The following LRRC15 variants were observed in gnomAD, a reference collection of about 807,000 sequenced individuals.
LRRC15 encodes leucine-rich repeat-containing protein 15.
Under a neutral mutation model 4.3 loss-of-function variants are expected in LRRC15, and 5 were observed. The ratio of observed to expected loss-of-function variants is 1.16; its 90% CI spans 0.61 to 2.44. The LOEUF (loss-of-function observed/expected upper bound fraction) is 2.44. Among genes scored for constraint, LRRC15 ranks in the 30% most tolerant of loss-of-function variants. The pLI, the probability that LRRC15 is intolerant of heterozygous loss-of-function variation, is 0.01. For synonymous variants in LRRC15, 337 were observed against 323.2 expected, an observed-to-expected ratio of 1.04 and a Z score of -0.46; for missense variants, 769 against 747.0, an observed-to-expected ratio of 1.03 and a Z score of -0.34.
intron 1 of LRRC15, among the ~76,000 whole-genome samples, chr3:194,367,863 TAA>T (rs1385490918): frequency 6.6e-6 from 1 of 152,204 alleles, no homozygotes; most frequent in Non-Finnish European, 1.5e-5. Context: ...GAAAATCAGT[TAA>T]AAAGCGCAAT....
chr3:194,360,730 T>A lies in LRRC15; in HGVS notation c.314A>T (p.Tyr105Phe). 6.2e-7 allele frequency: 1 copy of A among 1,614,198 alleles called. No homozygotes were observed. The highest frequency in any genetic ancestry group is 1.3e-5 in the African/African-American group (1 of 75,040). Residue 105 changes from tyrosine (Y) to phenylalanine (F), a missense_variant, in exon 2 of 2, where the codon TAT becomes TTT. Physicochemically the swap from Tyr to Phe is conservative, Grantham distance 22. Coordinates refer to ENST00000347624, the MANE Select transcript of LRRC15 (RefSeq NM_130830.5). ...CAGCTTGTTGTTGGCGAGGCTGAGA[T>A]AGCGCAGCGAGCCCAGGTTTCGGAA... ...GAFRNLGSLR[Y>F]LSLANNKLQV...
In LRRC15 at chr3:194,359,445, G is replaced by A. The variant is rs1713531506; in HGVS notation, c.1599C>T (p.Thr533=). ...VTDDRSVWGM[T]QAQSGLAIAA... ...CAATGGCCAGCCCGCTCTGGGCCTG[G>A]GTCATGCCCCAAACGCTGCGGTCAT... Residue 533 remains threonine (T), a synonymous_variant, in exon 2 of 2, where the codon ACC becomes ACT. Coordinates refer to ENST00000347624, the MANE Select transcript of LRRC15 (RefSeq NM_130830.5). 6.2e-7 allele frequency: 1 copy of A among 1,614,212 alleles called. No homozygotes were observed. Among genetic ancestry groups the A allele is most frequent in the South Asian group, 1.1e-5 (1 of 91,084 alleles).
intron 1 of LRRC15, among the ~76,000 whole-genome samples, chr3:194,365,759 C>T (rs1013698201): frequency 1.3e-5 from 2 of 152,200 alleles, no homozygotes; most frequent in African/African-American, 4.8e-5. Context: ...CTGAGGAACT[C>T]ATGCCCATCT....
At position 194,359,056 on chromosome 3, in the gene LRRC15, G is replaced by A. The variant is rs1228316797; in HGVS notation, c.*242C>T. 9.9e-6 allele frequency: 4 copies of A among 403,432 alleles called. No individual in the cohort carries two copies. Among genetic ancestry groups the A allele is most frequent in the African/African-American group, 4.0e-5 (2 of 49,760 alleles). The allele number at this position is 403,432 out of a possible 1,614,324, so 25.0% of individuals were successfully genotyped here. On this transcript the variant is annotated 3_prime_UTR_variant, in exon 2 of 2. Coordinates refer to ENST00000347624, the MANE Select transcript of LRRC15 (RefSeq NM_130830.5). ...CGAAGGAAGCCCAGGGGTATGAATCGGAAATCCCCAGGGCTTTTGCCATGG... is the reference window on the plus strand; with the variant it reads ...CGAAGGAAGCCCAGGGGTATGAATCAGAAATCCCCAGGGCTTTTGCCATGG...
Position 194,359,960 on chromosome 3 carries a change from G to T in LRRC15, c.1084C>A (p.Arg362Ser), listed in dbSNP as rs778775076. ...ALQDLDGNVF[R>S]MLANLQNISL... ...ATGTTCTGCAGGTTGGCCAACATGC[G>T]GAAGACGTTCCCGTCCAGGTCCTGC... The change falls in exon 2 of 2, where the codon CGC becomes AGC. Residue 362 changes from arginine to serine, a missense_variant. Arg to Ser is a moderately radical substitution (Grantham distance 110). Transcript: ENST00000347624. 6.2e-7 allele frequency: 1 copy of T among 1,614,054 alleles called. No individual in the cohort carries two copies. Among genetic ancestry groups the T allele is most frequent in the African/African-American group, 1.3e-5 (1 of 74,936 alleles).
At chr3:194,368,176 C>G (rs1193130827) in intron 1 of LRRC15, among the ~76,000 whole-genome samples, 1 of 152,212 alleles carries the variant, frequency 6.6e-6, no homozygotes, top group Admixed American at 6.5e-5. Flanking sequence ...TCTGAAGCAG[C>G]AGTGACTCCT....
At chr3:194,369,192 GC>G (rs1713871518) in intron 1 of LRRC15, among the ~76,000 whole-genome samples, 2 of 152,270 alleles carry the variant, frequency 1.3e-5, no homozygotes, top group South Asian at 2.1e-4. Context: ...AGAACCAAAT[GC>G]GGGGCAGACC....
Position 194,359,970 on chromosome 3 carries a change from C to A in LRRC15, c.1074G>T (p.Gly358=). ...GGTTGGCCAACATGCGGAAGACGTT[C>A]CCGTCCAGGTCCTGCAGTGCGTTGG... ...LHTNALQDLD[G]NVFRMLANLQ... The change falls in exon 2 of 2, where the codon GGG becomes GGT. Residue 358 remains glycine (G), a synonymous_variant. Transcript: ENST00000347624. 6.2e-7 allele frequency: 1 copy of A among 1,614,180 alleles called. No homozygotes were observed.
rs1206863042 is a variant in LRRC15, at chr3:194,359,794, TCA to T, written c.1248_1249del (p.Cys416Ter). On this transcript the variant is annotated stop_gained and frameshift_variant, in exon 2 of 2. Transcript: ENST00000347624. LOFTEE classifies it low-confidence loss of function (END_TRUNC). ...CCAGGGATTGTCATACAGCCGCAGCTCACACAGTTTCCCCAGGTGATCGAAGA... is the reference window on the plus strand; with the variant it reads ...CCAGGGATTGTCATACAGCCGCAGCTCACAGTTTCCCCAGGTGATCGAAGA... 3 of 1,614,106 alleles carry T rather than the reference TCA, an allele frequency of 1.9e-6. No individual in the cohort carries two copies. The highest frequency in any genetic ancestry group is 1.3e-5 in the African/African-American group (1 of 75,028).
rs765631879 is a variant in LRRC15, at chr3:194,360,546, G to A, written c.498C>T (p.Asp166=). ...LHGNHLEYIP[D]GAFDHLVGLT... is the part of the protein sequence containing the mutation. ...GTCCTACCAGGTGGTCGAAGGCTCC[G>A]TCAGGGATGTATTCCAGGTGGTTGC... Residue 166 remains aspartate, a synonymous_variant, in exon 2 of 2, where the codon GAC becomes GAT. Transcript: ENST00000347624. The A allele has an allele frequency of 2.6e-5, 42 of 1,614,016 alleles. No homozygotes were observed. Among genetic ancestry groups the A allele is most frequent in the East Asian group, 4.5e-5 (2 of 44,886 alleles).
rs1412548060 is a variant in LRRC15 at position 194,356,577 on chromosome 3, AG to A, written c.*2720del. 2.6e-5 allele frequency: 4 copies of A among 152,310 alleles called. No homozygotes were observed. The highest frequency in any genetic ancestry group is 6.5e-5 in the Admixed American group (1 of 15,280). The allele number at this position is 152,310 out of a possible 1,614,324, so 9.4% of individuals were successfully genotyped here. On this transcript the variant is annotated 3_prime_UTR_variant, in exon 2 of 2. Transcript: ENST00000347624. ...CCATCCAACCACTCTGATGGGAGAA[AG>A]GAAGAGGCAAGAGGTTCACATAAGG...
chr3:194,360,615 G>A lies in LRRC15; in HGVS notation c.429C>T (p.Ala143=). ...SSNQLLQIQP[A]HFSQCSNLKE... ...TGAGGTTGCTGCACTGGGAGAAGTG[G>A]GCCGGCTGGATCTGCAACAGCTGGT... Residue 143 remains alanine, a synonymous_variant, in exon 2 of 2, where the codon GCC becomes GCT. Coordinates refer to ENST00000347624, the MANE Select transcript of LRRC15 (RefSeq NM_130830.5). The A allele has an allele frequency of 3.1e-6, 5 of 1,614,226 alleles. No homozygotes were observed. Among genetic ancestry groups the A allele is most frequent in the Non-Finnish European group, 4.2e-6 (5 of 1,180,048 alleles).
At chr3:194,368,948 A>G (rs1193872357) in intron 1 of LRRC15, among the ~76,000 whole-genome samples, 1 of 152,220 alleles carries the variant, frequency 6.6e-6, no homozygotes, top group African/African-American at 2.4e-5. Context: ...CAAAGCCTCC[A>G]GGCTCCACAG....
chr3:194,362,554 C>T (rs1713660613), intron 1 of LRRC15, among the ~76,000 whole-genome samples: 1 of 152,196 alleles, frequency 6.6e-6, no homozygotes, highest in Admixed American at 6.5e-5. Context: ...GCAGCAATCA[C>T]TGCCGGTCAC....
chr3:194,360,733 C>A lies in LRRC15; in HGVS notation c.311G>T (p.Arg104Leu), dbSNP rs1247835173. 1.9e-6 allele frequency: 3 copies of A among 1,614,088 alleles called. No individual in the cohort carries two copies. The highest frequency in any genetic ancestry group is 1.6e-4 in the Middle Eastern group (1 of 6,084). Reference sequence around the variant, plus strand: ...CTTGTTGTTGGCGAGGCTGAGATAGCGCAGCGAGCCCAGGTTTCGGAAGGC... The same window carrying A: ...CTTGTTGTTGGCGAGGCTGAGATAGAGCAGCGAGCCCAGGTTTCGGAAGGC... ...PGAFRNLGSL[R>L]YLSLANNKLQ... The change falls in exon 2 of 2, where the codon CGC becomes CTC. Residue 104 changes from arginine to leucine, a missense_variant. Coordinates refer to ENST00000347624, the MANE Select transcript of LRRC15 (RefSeq NM_130830.5).
rs752703117 is a variant in LRRC15, at chr3:194,359,568, G to A, written c.1476C>T (p.Asp492=). The A allele has an allele frequency of 6.8e-6, 11 of 1,613,922 alleles. No homozygotes were observed. Among genetic ancestry groups the A allele is most frequent in the Admixed American group, 3.3e-5 (2 of 59,962 alleles). Residue 492 remains aspartate, a synonymous_variant, in exon 2 of 2, where the codon GAC becomes GAT. Coordinates refer to ENST00000347624, the MANE Select transcript of LRRC15 (RefSeq NM_130830.5). The part of the protein sequence containing the change: ...PSYPETPWYP[D]TPSYPDTTSV... Reference sequence around the variant, plus strand: ...ATGTGGTGTCAGGGTAACTGGGTGTGTCTGGGTACCATGGTGTTTCTGGGT... The same window carrying A: ...ATGTGGTGTCAGGGTAACTGGGTGTATCTGGGTACCATGGTGTTTCTGGGT...
rs923674585 is a variant in LRRC15 at position 194,360,153 on chromosome 3, C to G, written c.891G>C (p.Glu297Asp). Residue 297 changes from glutamate (E) to aspartate (D), a missense_variant, in exon 2 of 2, where the codon GAG becomes GAC. Coordinates refer to ENST00000347624, the MANE Select transcript of LRRC15 (RefSeq NM_130830.5). Reference protein sequence around the residue: ...GIFGPMPNLRELWLYDNHISS... With the variant: ...GIFGPMPNLRDLWLYDNHISS... ...AGATGTGGTTGTCATAGAGCCAAAG[C>G]TCCCGCAGGTTGGGCATGGGCCCGA... is the stretch of plus-strand genomic sequence containing the variant. 2.5e-6 allele frequency: 4 copies of G among 1,613,838 alleles called. No homozygotes were observed. The South Asian group carries it at 4.4e-5, about 18-fold the overall frequency.
In LRRC15 at chr3:194,355,944, T is replaced by A. The variant is rs1323962683; in HGVS notation, c.*3354A>T. On this transcript the variant is annotated 3_prime_UTR_variant, in exon 2 of 2. Transcript: ENST00000347624. ...AGGGATGGAAGAGTTTATTTTTTCC[T>A]GTGGTTACAAAGCTTTTGATCTATA... 6.6e-6 allele frequency: 1 copy of A among 152,260 alleles called. No individual in the cohort carries two copies. Among genetic ancestry groups the A allele is most frequent in the Non-Finnish European group, 1.5e-5 (1 of 68,048 alleles). The allele number at this position is 152,260 out of a possible 1,614,324, so 9.4% of individuals were successfully genotyped here.
At chr3:194,364,581 G>C (rs1281687279) in intron 1 of LRRC15, among the ~76,000 whole-genome samples, 1 of 152,130 alleles carries the variant, frequency 6.6e-6, no homozygotes, top group African/African-American at 2.4e-5. Flanking sequence ...CTAGGAGTCT[G>C]CACTCCCCAG....
Sources: allele counts gnomAD v4.1 joint callset (sites outside exome capture counted in the v4.1 genomes callset), GRCh38; gene constraint gnomAD v4.1.1; transcripts MANE v1.5; gene names NCBI Gene and HGNC (gene_info 2026-07-23, HGNC 2026-07-21).